The following GPR141 variants were observed in gnomAD, a reference collection of about 807,000 sequenced individuals.
GPR141 encodes G protein-coupled receptor 141.
GPR141 carries 6 observed loss-of-function variants against 6.8 expected under a neutral mutation model. The observed-to-expected ratio is 0.88, with a 90% CI of 0.48 to 1.74. The LOEUF is 1.74. GPR141 is among the 40% of genes most tolerant of loss of function. GPR141 has a pLI of 0.01. For synonymous variants in GPR141, 140 were observed against 142.3 expected, an observed-to-expected ratio of 0.98 and a Z score of 0.11; for missense variants, 372 against 372.9, an observed-to-expected ratio of 1.00 and a Z score of 0.02.
chr7:37,709,654 G>T (rs187846028), intron 2 of GPR141: 2 of 152,298 alleles, frequency 1.3e-5, no homozygotes, highest in East Asian at 3.9e-4. Context: ...TAGATTAAAA[G>T]ATATTGTTGT....
At chr7:37,701,664 C>A (rs1810282266) in intron 2 of GPR141, among the ~76,000 whole-genome samples, 1 of 152,168 alleles carries the variant, frequency 6.6e-6, no homozygotes, top group Non-Finnish European at 1.5e-5. Flanking sequence ...ACACACAAAT[C>A]CTTAAGGCTC....
At chr7:37,736,470 A>G (rs1812242250) in intron 2 of GPR141, among the ~76,000 whole-genome samples, 1 of 149,572 alleles carries the variant, frequency 6.7e-6, no homozygotes, top group African/African-American at 2.5e-5. Context: ...TATAAATTTA[A>G]GAACCCCAAA....
At chr7:37,688,012 C>T (rs1041091373) in intron 2 of GPR141, among the ~76,000 whole-genome samples, 6 of 152,126 alleles carry the variant, frequency 3.9e-5, no homozygotes, top group African/African-American at 9.7e-5. Flanking sequence ...CAACCACAGA[C>T]GATGCATAAA....
intron 2 of GPR141, among the ~76,000 whole-genome samples, chr7:37,691,287 CCTTTT>C (rs1809752859): frequency 1.1e-5 from 1 of 93,672 alleles, no homozygotes; most frequent in East Asian, 3.9e-4. Context: ...CAGTCTATAT[CCTTTT>C]TTTTTTTTTT....
intron 2 of GPR141, among the ~76,000 whole-genome samples, chr7:37,738,771 CAG>C (rs1457234705): frequency 6.6e-6 from 1 of 151,954 alleles, no homozygotes; most frequent in Non-Finnish European, 1.5e-5. Context: ...TGATATAAAA[CAG>C]AAACTAATCC....
intron 2 of GPR141, among the ~76,000 whole-genome samples, chr7:37,717,860 A>G (rs751640959): frequency 3.9e-5 from 6 of 152,192 alleles, no homozygotes; most frequent in East Asian, 3.8e-4. Flanking sequence ...GCAAACACAT[A>G]TATCTTAAAT....
Position 37,697,897 on chromosome 7 carries a change from T to A in GPR141, c.-15+12314T>A, listed in dbSNP as rs147522443. Among the ~76,000 whole-genome samples the A allele has an allele frequency of 2.7e-3, 405 of 152,278 alleles. 1 individual carries two copies. Among genetic ancestry groups the A allele is most frequent in the Admixed American group, 4.6e-3 (71 of 15,298 alleles). On this transcript the variant is annotated intron_variant, in intron 2 of 2. Coordinates refer to ENST00000334425, the MANE Select transcript of GPR141 (RefSeq NM_001381946.1). ...TCTCATCTTGTATAGTAAGTGCCAATACCAAGGACATAACTAACAGCCGAT... is the reference window on the plus strand; with the variant it reads ...TCTCATCTTGTATAGTAAGTGCCAAAACCAAGGACATAACTAACAGCCGAT...
intron 2 of GPR141, among the ~76,000 whole-genome samples, 193 bp downstream of exon 2, chr7:37,685,776 TA>T (rs1165934574): frequency 7.3e-5 from 10 of 136,146 alleles, no homozygotes; most frequent in African/African-American, 1.8e-4. Flanking sequence ...TTTTTTTTTT[TA>T]AATAAGAAAA....
intron 2 of GPR141, among the ~76,000 whole-genome samples, chr7:37,705,449 T>C (rs1051018780): frequency 7.9e-5 from 12 of 152,316 alleles, no homozygotes; most frequent in Admixed American, 2.6e-4. Context: ...TTCTGGGGAC[T>C]GCGATATATC....
At chr7:37,693,727 G>C (rs58086680) in intron 2 of GPR141, among the ~76,000 whole-genome samples, 63,990 of 151,860 alleles carry the variant, frequency 0.42, 14,086 homozygotes, top group African/African-American at 0.53. Flanking sequence ...TCTACTCCCT[G>C]GGAAGAGGGG....
intron 2 of GPR141, chr7:37,713,246 G>A (rs761434161): frequency 6.6e-6 from 1 of 152,208 alleles, no homozygotes; most frequent in Non-Finnish European, 1.5e-5. Flanking sequence ...TATATACCAT[G>A]TGTTATCAAT....
At chr7:37,714,034 CT>C (rs372924914) in intron 2 of GPR141, among the ~76,000 whole-genome samples, 225 of 147,210 alleles carry the variant, frequency 1.5e-3, no homozygotes, top group Non-Finnish European at 1.9e-3. Context: ...TTTCACTTAT[CT>C]TTTTTTTTTT....
intron 2 of GPR141, among the ~76,000 whole-genome samples, chr7:37,736,881 A>G (rs558783587): frequency 6.6e-6 from 1 of 152,200 alleles, no homozygotes; most frequent in Non-Finnish European, 1.5e-5. Flanking sequence ...GGATAAGAAA[A>G]CTAAATGGAC....
intron 2 of GPR141, among the ~76,000 whole-genome samples, chr7:37,688,762 C>T (rs1023806342): frequency 1.3e-5 from 2 of 152,252 alleles, no homozygotes; most frequent in African/African-American, 2.4e-5. Flanking sequence ...CCATGGAGGT[C>T]GGAAGCATCT....
At chr7:37,732,134 TTC>T (rs202235335) in intron 2 of GPR141, among the ~76,000 whole-genome samples, 7 of 145,312 alleles carry the variant, frequency 4.8e-5, no homozygotes, top group Non-Finnish European at 8.9e-5. Context: ...CTCCTTTTCT[TTC>T]TCTCTCTCTT....
chr7:37,697,865 G>T (rs532737929), intron 2 of GPR141, among the ~76,000 whole-genome samples: 23 of 152,246 alleles, frequency 1.5e-4, no homozygotes, highest in African/African-American at 5.5e-4. Context: ...TTAGGAGCCT[G>T]GTTATCTCTC....
intron 2 of GPR141, among the ~76,000 whole-genome samples, chr7:37,702,867 T>A (rs1810353851): frequency 6.6e-6 from 1 of 150,438 alleles, no homozygotes. Flanking sequence ...TCATATAATA[T>A]TGTTGCCTAG....
At chr7:37,685,360 TCCTTCCTGCCTG>T (rs898254729) in intron 1 of GPR141, 88 bp from the exon 2 acceptor site, 5 of 110,532 alleles carry the variant, frequency 4.5e-5, no homozygotes, top group African/African-American at 1.4e-4. Flanking sequence ...CCTCCCTCCT[TCCTTCCTGCCTG>T]CCTGCCTGCC....
chr7:37,719,813 T>A (rs1562781503), intron 2 of GPR141, among the ~76,000 whole-genome samples: 3 of 152,162 alleles, frequency 2.0e-5, no homozygotes. Flanking sequence ...CTTCGACTCC[T>A]GTGAGATACA....
Sources: gnomAD v4.1 joint callset for allele counts (sites outside exome capture counted in the v4.1 genomes callset) on GRCh38, gnomAD v4.1.1 for gene constraint, MANE v1.5 for transcripts, NCBI Gene and HGNC (gene_info 2026-07-23, HGNC 2026-07-21) for gene names.